Variants in DMD observed in about 807,000 individuals in gnomAD.
The protein encoded by DMD is dystrophin, also known as mutant dystrophin.
In DMD, 63 loss-of-function variants were observed where a neutral mutation model predicts 330.1. That is an observed-to-expected ratio of 0.19 (90% CI 0.16 to 0.24). The LOEUF (loss-of-function observed/expected upper bound fraction) is 0.24. Ranked by LOEUF, DMD falls within the 10% of genes least tolerant of loss-of-function variation. The pLI, the probability that DMD is intolerant of heterozygous loss-of-function variation, is 1.00. For missense variants in DMD, 3,344 were observed against 2,684.1 expected, an observed-to-expected ratio of 1.25 and a Z score of -5.43; for synonymous variants, 1,223 against 959.8, an observed-to-expected ratio of 1.27 and a Z score of -5.07.
intron 47 of DMD, among the ~76,000 whole-genome samples, chrX:31,900,612 A>G (rs1227476889): frequency 9.0e-6 from 1 of 111,565 alleles, no homozygotes; most frequent in African/African-American, 3.3e-5. Context: ...TGGTACCAGT[A>G]GAGTGGGGCA....
chrX:31,715,224 G>C (rs7051744), intron 52 of DMD, among the ~76,000 whole-genome samples: 1 of 105,266 alleles, frequency 9.5e-6, no homozygotes, highest in African/African-American at 3.5e-5. Flanking sequence ...GGTTGGTGGG[G>C]GGGGAGCTGC....
chrX:31,717,957 T>C (rs952551579), intron 52 of DMD, among the ~76,000 whole-genome samples: 4 of 111,245 alleles, frequency 3.6e-5, no homozygotes, highest in Non-Finnish European at 7.5e-5. Flanking sequence ...AAGAGAAAAA[T>C]CTGACTCCAA....
At chrX:32,701,845 T>A (rs913892772) in intron 7 of DMD, among the ~76,000 whole-genome samples, 3 of 111,688 alleles carry the variant, frequency 2.7e-5, no homozygotes, top group Non-Finnish European at 5.7e-5. Flanking sequence ...AACATTGTAA[T>A]AAATTTCATT....
At chrX:32,747,493 G>A (rs1224146064) in intron 7 of DMD, among the ~76,000 whole-genome samples, 1 of 111,242 alleles carries the variant, frequency 9.0e-6, no homozygotes, top group African/African-American at 3.3e-5. Flanking sequence ...CTTACTTACT[G>A]TATTTGAAAC....
At chrX:31,552,049 T>C (rs2074519407) in intron 55 of DMD, among the ~76,000 whole-genome samples, 1 of 112,732 alleles carries the variant, frequency 8.9e-6, no homozygotes, top group Non-Finnish European at 1.9e-5. Context: ...ATATTTATAC[T>C]ATTCCTAGAA....
chrX:32,962,950 G>A (rs1038192419), intron 2 of DMD, among the ~76,000 whole-genome samples: 6 of 110,447 alleles, frequency 5.4e-5, no homozygotes, highest in African/African-American at 1.6e-4. Context: ...GATGTGACCC[G>A]ATAACTGTCC....
At chrX:32,265,121 T>C (rs1444709791) in intron 43 of DMD, among the ~76,000 whole-genome samples, 2 of 112,052 alleles carry the variant, frequency 1.8e-5, no homozygotes, top group Admixed American at 9.4e-5. Flanking sequence ...GCCCCTCCCA[T>C]CATAGGACCA....
intron 62 of DMD, among the ~76,000 whole-genome samples, chrX:31,312,673 C>T (rs1270688010): frequency 8.9e-6 from 1 of 112,326 alleles, no homozygotes; most frequent in Non-Finnish European, 1.9e-5. Flanking sequence ...TTTATTGCAG[C>T]ACTATTTACA....
At chrX:32,790,471 G>T (rs1450980944) in intron 7 of DMD, among the ~76,000 whole-genome samples, 1 of 111,632 alleles carries the variant, frequency 9.0e-6, no homozygotes, top group African/African-American at 3.3e-5. Flanking sequence ...GCCCATGCTG[G>T]GTTCCACAAA....
intron 47 of DMD, among the ~76,000 whole-genome samples, chrX:31,917,798 C>A (rs916393822): frequency 1.8e-5 from 2 of 112,553 alleles, no homozygotes; most frequent in African/African-American, 6.5e-5. Context: ...CTCAGAGCAC[C>A]AGACAGGAGC....
intron 48 of DMD, among the ~76,000 whole-genome samples, chrX:31,865,679 G>C (rs754917198): frequency 6.0e-3 from 200 of 33,091 alleles, no homozygotes; most frequent in African/African-American, 0.032. Flanking sequence ...TGGAAGCATG[G>C]TAACATCAGA....
Position 32,516,049 on chromosome X carries a change from CA to C in DMD, c.2292+1958del, listed in dbSNP as rs750954789. On this transcript the variant is annotated intron_variant, in intron 18 of 78. Transcript: ENST00000357033. ...ATTTGAAAGGAGTAAATGAAGAAAT[CA>C]AGTGAAAAAAAAAAGAGTTGGTAAT... Among the ~76,000 whole-genome samples, 8 of 106,828 alleles carry C rather than the reference CA, an allele frequency of 7.5e-5. 1 individual carries two copies. The East Asian group carries it at 1.5e-3, about 20-fold the overall frequency. 92.8% of individuals were successfully genotyped at this position (106,828 alleles called of 115,157 possible).
intron 44 of DMD, among the ~76,000 whole-genome samples, chrX:31,977,776 C>G (rs1184518356): frequency 4.2e-5 from 4 of 94,989 alleles, no homozygotes; most frequent in Non-Finnish European, 8.4e-5. Context: ...CTGGGCACGC[C>G]CTCTGCAAAT....
intron 74 of DMD, 39 bp from the exon 75 acceptor site, chrX:31,147,557 AG>A: frequency 9.7e-7 from 1 of 1,034,067 alleles, no homozygotes; most frequent in African/African-American, 1.9e-5. Flanking sequence ...AAAAAAAGAA[AG>A]AAAAAGAAAA....
At chrX:32,740,894 T>C (rs763036168) in intron 7 of DMD, among the ~76,000 whole-genome samples, 6 of 111,681 alleles carry the variant, frequency 5.4e-5, no homozygotes, top group African/African-American at 1.9e-4. Flanking sequence ...AGTAAGTAAA[T>C]ATATACTCAT....
chrX:31,831,672 C>G (rs963283897), intron 49 of DMD, among the ~76,000 whole-genome samples: 3 of 111,398 alleles, frequency 2.7e-5, no homozygotes, highest in Non-Finnish European at 5.6e-5. Flanking sequence ...GATCTCAGCT[C>G]ACTGCAAGCT....
chrX:32,940,599 A>T (rs1177145123), intron 2 of DMD, among the ~76,000 whole-genome samples: 1 of 111,543 alleles, frequency 9.0e-6, no homozygotes, highest in Non-Finnish European at 1.9e-5. Context: ...CTGGCTAGCC[A>T]TATGTGGAAG....
intron 44 of DMD, among the ~76,000 whole-genome samples, chrX:32,193,666 T>C (rs1378342300): frequency 1.8e-5 from 2 of 111,642 alleles, no homozygotes; most frequent in Non-Finnish European, 3.8e-5. Flanking sequence ...TGCGTGGTGT[T>C]CAATCACAAT....
At chrX:33,099,285 G>T (rs768006972) in intron 1 of DMD, among the ~76,000 whole-genome samples, 68 of 110,883 alleles carry the variant, frequency 6.1e-4, no homozygotes, top group African/African-American at 2.2e-3. Flanking sequence ...TTGTTGGGCG[G>T]TCTCTCCTCA....
Sources: gnomAD v4.1 joint callset for allele counts (sites outside exome capture counted in the v4.1 genomes callset) on GRCh38, gnomAD v4.1.1 for gene constraint, MANE v1.5 for transcripts, NCBI Gene and HGNC (gene_info 2026-07-23, HGNC 2026-07-21) for gene names.